Variants in HPSE2 observed in about 807,000 individuals in gnomAD.
The protein encoded by HPSE2 is heparanase 2 (inactive).
A neutral mutation model predicts 60.5 loss-of-function variants in HPSE2; 38 were observed. The observed-to-expected ratio is 0.63, with a 90% confidence interval of 0.48 to 0.82. HPSE2 has a LOEUF of 0.82. Ranked by LOEUF, HPSE2 falls within the 40% of genes least tolerant of loss-of-function variation. The probability of loss-of-function intolerance (pLI) is 0.00; values close to 1 mark genes in which losing one functional copy is unlikely to be tolerated. For missense variants in HPSE2, 713 were observed against 740.4 expected, an observed-to-expected ratio of 0.96 and a Z score of 0.43; for synonymous variants, 295 against 293.2, an observed-to-expected ratio of 1.01 and a Z score of -0.06.
chr10:99,042,995 A>G (rs2135479573), intron 3 of HPSE2, among the ~76,000 whole-genome samples: 1 of 152,328 alleles, frequency 6.6e-6, no homozygotes, highest in Middle Eastern at 3.4e-3. Flanking sequence ...TCAGCCACAA[A>G]CAGACCCCAC....
At chr10:99,213,929 T>A (rs1849032509) in intron 2 of HPSE2, among the ~76,000 whole-genome samples, 1 of 152,110 alleles carries the variant, frequency 6.6e-6, no homozygotes, top group Non-Finnish European at 1.5e-5. Flanking sequence ...ATCCACAGAA[T>A]GAGGGAAAAA....
chr10:99,008,820 G>T (rs1172178489), intron 3 of HPSE2, among the ~76,000 whole-genome samples: 2 of 152,110 alleles, frequency 1.3e-5, no homozygotes, highest in Non-Finnish European at 2.9e-5. Flanking sequence ...GACTAAAATG[G>T]AAATAAAATG....
intron 9 of HPSE2, among the ~76,000 whole-genome samples, chr10:98,612,643 A>G (rs902153370): frequency 6.6e-6 from 1 of 152,224 alleles, no homozygotes; most frequent in African/African-American, 2.4e-5. Flanking sequence ...AAAGGAAAAA[A>G]GGAAAGAAAG....
rs12360301 is a variant in HPSE2, at chr10:98,822,009, C to A, written c.611-77953G>T. Among the ~76,000 whole-genome samples, 759 of 152,250 alleles carry A rather than the reference C, an allele frequency of 5.0e-3. 6 individuals carry two copies. Among genetic ancestry groups the A allele is most frequent in the Non-Finnish European group, 9.0e-3 (615 of 68,026 alleles). On this transcript the variant is annotated intron_variant, in intron 3 of 11. Transcript: ENST00000370552. Reference sequence around the variant, plus strand: ...GATAACAATTGCATTTTTTGCCCAACAACAAATTTACGGTATGGTCCCAAT... The same window carrying A: ...GATAACAATTGCATTTTTTGCCCAAAAACAAATTTACGGTATGGTCCCAAT...
the HPSE2 span, among the ~76,000 whole-genome samples, chr10:99,299,952 C>T: frequency 6.6e-6 from 1 of 151,430 alleles, no homozygotes; most frequent in African/African-American, 2.4e-5. Flanking sequence ...AACAATGGGA[C>T]CCCAAACCTC....
chr10:99,190,200 C>T (rs187389400), intron 2 of HPSE2, among the ~76,000 whole-genome samples: 1 of 152,290 alleles, frequency 6.6e-6, no homozygotes, highest in Non-Finnish European at 1.5e-5. Context: ...CATTTCACAA[C>T]AACACAAAGT....
chr10:98,602,687 GC>G (rs1945461881), intron 9 of HPSE2, among the ~76,000 whole-genome samples: 1 of 152,106 alleles, frequency 6.6e-6, no homozygotes, highest in Non-Finnish European at 1.5e-5. Flanking sequence ...CAATAAAAGT[GC>G]CAAGATGATT....
chr10:98,943,556 C>T (rs1400483173), intron 3 of HPSE2, among the ~76,000 whole-genome samples: 2 of 152,052 alleles, frequency 1.3e-5, no homozygotes, highest in Admixed American at 6.6e-5. Context: ...ACAAATAACA[C>T]ATGGTGTGTC....
chr10:99,232,651 T>C (rs1849697732), intron 1 of HPSE2, 146 bp from the exon 2 acceptor site: 1 of 928,398 alleles, frequency 1.1e-6, no homozygotes, highest in Non-Finnish European at 1.7e-6. Context: ...CAGTCCACGC[T>C]GGCCCTTGGC....
chr10:99,060,899 T>C (rs1423890596), intron 3 of HPSE2, among the ~76,000 whole-genome samples: 2 of 151,914 alleles, frequency 1.3e-5, no homozygotes, highest in African/African-American at 2.4e-5. Context: ...TTAAAACAAA[T>C]GAATTCATGG....
At chr10:99,185,539 C>G (rs1239001726) in intron 2 of HPSE2, among the ~76,000 whole-genome samples, 1 of 152,062 alleles carries the variant, frequency 6.6e-6, no homozygotes, top group Non-Finnish European at 1.5e-5. Context: ...TTTTGGGAGG[C>G]TGAGGTGGGC....
the HPSE2 span, among the ~76,000 whole-genome samples, chr10:99,290,348 C>G: frequency 6.6e-6 from 1 of 152,050 alleles, no homozygotes; most frequent in Non-Finnish European, 1.5e-5. Flanking sequence ...TGCCTCATAC[C>G]TTGTAAGAAT....
the HPSE2 span, among the ~76,000 whole-genome samples, chr10:99,251,375 C>T: frequency 6.6e-6 from 1 of 152,238 alleles, no homozygotes; most frequent in East Asian, 1.9e-4. Flanking sequence ...ACAAAGAAGT[C>T]CCAGACCAGA....
intron 9 of HPSE2, among the ~76,000 whole-genome samples, chr10:98,570,090 GTTTAT>G (rs927244019): frequency 4.4e-4 from 67 of 152,264 alleles, no homozygotes; most frequent in African/African-American, 1.5e-3. Context: ...TGGCCAGCTG[GTTTAT>G]GGGTCTCTGC....
the HPSE2 span, among the ~76,000 whole-genome samples, chr10:99,308,196 T>C: frequency 2.0e-5 from 3 of 151,686 alleles, no homozygotes; most frequent in African/African-American, 7.3e-5. Context: ...AAGATTAGCC[T>C]GGCCAACATG....
intron 3 of HPSE2, among the ~76,000 whole-genome samples, chr10:98,969,959 C>T (rs1229824243): frequency 1.5e-5 from 2 of 137,760 alleles, no homozygotes; most frequent in Non-Finnish European, 3.1e-5. Flanking sequence ...GAACAGCTGT[C>T]ACCCACTTTT....
chr10:99,191,400 C>A (rs1191075830), intron 2 of HPSE2, among the ~76,000 whole-genome samples: 3 of 151,982 alleles, frequency 2.0e-5, no homozygotes, highest in African/African-American at 7.3e-5. Context: ...TATCTCAAGG[C>A]AGCTCAGCAC....
chr10:99,102,838 CAATA>C (rs1462506041), intron 3 of HPSE2, among the ~76,000 whole-genome samples: 1 of 152,142 alleles, frequency 6.6e-6, no homozygotes, highest in Non-Finnish European at 1.5e-5. Flanking sequence ...ATATGCAAAT[CAATA>C]AATGTAATCC....
chr10:98,600,901 A>ATGTG (rs1465121274), intron 9 of HPSE2, among the ~76,000 whole-genome samples: 1 of 95,862 alleles, frequency 1.0e-5, no homozygotes, highest in African/African-American at 5.1e-5. Context: ...ACGTATATAT[A>ATGTG]TGTGTGTGTG....
Sources: gnomAD v4.1 joint callset for allele counts (sites outside exome capture counted in the v4.1 genomes callset) on GRCh38, gnomAD v4.1.1 for gene constraint, MANE v1.5 for transcripts, NCBI Gene and HGNC (gene_info 2026-07-23, HGNC 2026-07-21) for gene names.